UBXN10: variants seen among roughly 807,000 people sequenced by gnomAD.
UBXN10 encodes the protein UBX domain-containing protein 10.
A neutral mutation model predicts 6.9 loss-of-function variants in UBXN10; 6 were observed. The observed-to-expected ratio is 0.87, with a 90% CI of 0.48 to 1.72. UBXN10 has a LOEUF of 1.72. UBXN10 is among the 40% of genes most tolerant of loss of function. The pLI is 0.01. For synonymous variants in UBXN10, 131 were observed against 135.2 expected (o/e 0.97, Z 0.21); for missense variants, 317 against 348.4 (o/e 0.91, Z 0.72).
At chr1:20,188,814 G>A (rs2018442806) in intron 1 of UBXN10, among the ~76,000 whole-genome samples, 2 of 152,062 alleles carry the variant, frequency 1.3e-5, no homozygotes, top group African/African-American at 2.4e-5. Context: ...GACACACGGG[G>A]AAAAGTTCTA....
At chr1:20,190,285 G>C (rs992271986) in intron 1 of UBXN10, among the ~76,000 whole-genome samples, 1 of 152,046 alleles carries the variant, frequency 6.6e-6, no homozygotes, top group Non-Finnish European at 1.5e-5. Context: ...GTTACTCTTT[G>C]AAAATATCTA....
chr1:20,190,796 A>T lies in UBXN10; in HGVS notation c.235A>T (p.Lys79Ter). The change falls in exon 2 of 2, where the codon AAA (lysine) becomes TAA (stop). Residue 79 changes from lysine to a stop codon, truncating the protein, a stop_gained. Coordinates refer to ENST00000375099, the MANE Select transcript of UBXN10 (RefSeq NM_152376.5). LOFTEE classifies it low-confidence loss of function (END_TRUNC). ...AIPYELPSSQ[K>*]PGACAPKSPN... is the part of the protein sequence containing the mutation. ...TCCCTATGAGTTGCCAAGCAGCCAA[A>T]AACCAGGAGCCTGTGCACCCAAATC... The T allele has an allele frequency of 6.2e-7, 1 of 1,614,024 alleles. No homozygotes were observed. The highest frequency in any genetic ancestry group is 8.5e-7 in the Non-Finnish European group (1 of 1,180,038).
At position 20,192,607 on chromosome 1, in the gene UBXN10, T is replaced by C. The variant is rs1469071612; in HGVS notation, c.*1203T>C. On this transcript the variant is annotated 3_prime_UTR_variant, in exon 2 of 2. Coordinates refer to ENST00000375099, the MANE Select transcript of UBXN10 (RefSeq NM_152376.5). ...AAGTTCAGCCAGACTCCATGACTCA[T>C]CTGATCCCTTTTATGGCCAAATCAT... 6.0e-6 allele frequency: 1 copy of C among 167,134 alleles called. No individual in the cohort carries two copies. The highest frequency in any genetic ancestry group is 1.5e-5 in the Non-Finnish European group (1 of 68,160). The allele number at this position is 167,134 out of a possible 1,614,324, so 10.4% of individuals were successfully genotyped here.
Position 20,194,832 on chromosome 1 carries a change from G to A in UBXN10, c.*3428G>A, listed in dbSNP as rs537716232. On this transcript the variant is annotated 3_prime_UTR_variant, in exon 2 of 2. Transcript: ENST00000375099. ...ATAAAGAAGACAGCTATATTATTTT[G>A]CTTTAGCATTAGTTTAGAAGTCATT... The A allele has an allele frequency of 1.3e-4, 22 of 167,190 alleles. No individual in the cohort carries two copies. The highest frequency in any genetic ancestry group is 4.3e-4 in the African/African-American group (18 of 41,586). The allele number at this position is 167,190 out of a possible 1,614,324, so 10.4% of individuals were successfully genotyped here.
chr1:20,188,895 G>A (rs1475622409), intron 1 of UBXN10, among the ~76,000 whole-genome samples: 2 of 152,090 alleles, frequency 1.3e-5, no homozygotes, highest in Non-Finnish European at 1.5e-5. Flanking sequence ...AGCAAACAAC[G>A]ACGACAACAA....
chr1:20,190,883 T>G lies in UBXN10; in HGVS notation c.322T>G (p.Ser108Ala). ...GCAGCAGCAAGTACCCACTGGGGCT[T>G]CCTCTTCTCTCAATAAGTATCCAGT... ...ELQQQVPTGA[S>A]SSLNKYPVLP... The change falls in exon 2 of 2, where the codon TCC becomes GCC. Residue 108 changes from serine (S) to alanine (A), a missense_variant. Coordinates refer to ENST00000375099, the MANE Select transcript of UBXN10 (RefSeq NM_152376.5). The G allele has an allele frequency of 1.2e-6, 2 of 1,614,106 alleles. No homozygotes were observed. Among genetic ancestry groups the G allele is most frequent in the Non-Finnish European group, 1.7e-6 (2 of 1,180,028 alleles).
Position 20,195,158 on chromosome 1 carries a change from T to TTG in UBXN10, c.*3755_*3756insGT, listed in dbSNP as rs1367326457. 1 of 167,142 alleles carries TTG rather than the reference T, an allele frequency of 6.0e-6. No homozygotes were observed. Among genetic ancestry groups the TTG allele is most frequent in the Non-Finnish European group, 1.5e-5 (1 of 68,128 alleles). 10.4% of individuals were successfully genotyped at this position (167,142 alleles called of 1,614,324 possible). ...GATTAGGGAAGCTTCTCCCAGCCCT[T>TTG]TCTGACGTTCATCTGTGTGCCTTTA... On this transcript the variant is annotated 3_prime_UTR_variant, in exon 2 of 2. Transcript: ENST00000375099.
upstream of UBXN10, among the ~76,000 whole-genome samples, chr1:20,184,827 G>C (rs920014585): frequency 6.6e-6 from 1 of 152,042 alleles, no homozygotes; most frequent in African/African-American, 2.4e-5. Context: ...GGGAGGTTTC[G>C]CAAGCAAAAC....
chr1:20,183,680 C>G (rs776338705), upstream of UBXN10, among the ~76,000 whole-genome samples: 3 of 152,064 alleles, frequency 2.0e-5, no homozygotes, highest in Non-Finnish European at 4.4e-5. Flanking sequence ...AAGGGCTTCA[C>G]GGAAGAGGTG....
intron 1 of UBXN10, among the ~76,000 whole-genome samples, chr1:20,189,156 C>T (rs1422777364): frequency 1.3e-5 from 2 of 152,120 alleles, no homozygotes; most frequent in Admixed American, 6.5e-5. Context: ...TGAACCCACA[C>T]TTTGTGACAC....
At chr1:20,184,180 C>CGCGT (rs2018322575), upstream of UBXN10, 1 of 135,082 alleles carries the variant, frequency 7.4e-6, no homozygotes, top group Non-Finnish European at 1.5e-5. Flanking sequence ...GGCAAAGGCG[C>CGCGT]GCGTGCGTGC....
upstream of UBXN10, among the ~76,000 whole-genome samples, chr1:20,183,878 C>T (rs2018317401): frequency 6.6e-6 from 1 of 152,166 alleles, no homozygotes. Context: ...GAAGGTGAGT[C>T]CACATTTCAG....
intron 1 of UBXN10, among the ~76,000 whole-genome samples, chr1:20,188,607 G>A (rs1309688343): frequency 6.6e-6 from 1 of 152,246 alleles, no homozygotes. Flanking sequence ...CATTCTGCAG[G>A]AAGTGAATCT....
In UBXN10 at chr1:20,187,174, G is replaced by A. The variant is rs952941871; in HGVS notation, c.-16+1021G>A. 2.0e-5 allele frequency among the ~76,000 whole-genome samples: 3 copies of A among 152,106 alleles called. No homozygotes were observed. The highest frequency in any genetic ancestry group is 7.2e-5 in the African/African-American group (3 of 41,412). On this transcript the variant is annotated intron_variant, in intron 1 of 1. Transcript: ENST00000375099. This position sits in a 1 kb window ranked among gnomAD's most constrained non-coding sequence, Gnocchi z 4.6. ...ATTTGGTGGTGAATCTTAAGGAATG[G>A]GCACCTGCCCTTCTGGCAACTTCTT...
chr1:20,190,316 CCT>C (rs918497901), intron 1 of UBXN10, among the ~76,000 whole-genome samples: 25 of 152,140 alleles, frequency 1.6e-4, no homozygotes, highest in African/African-American at 5.5e-4. Context: ...GGTTTTAACC[CCT>C]GTCTTTCCTC....
rs1167552675 is a variant in UBXN10, at chr1:20,187,480, A to G, written c.-16+1327A>G. 6.8e-6 allele frequency among the ~76,000 whole-genome samples: 1 copy of G among 146,702 alleles called. No homozygotes were observed. Among genetic ancestry groups the G allele is most frequent in the African/African-American group, 2.6e-5 (1 of 38,182 alleles). On this transcript the variant is annotated intron_variant, in intron 1 of 1. Transcript: ENST00000375099. The surrounding 1 kb of genome is among the most constrained non-coding windows in gnomAD (Gnocchi z 4.6). ...GAATATAAAGGCACAGTTGGCCCAG[A>G]TCCCCAAACACCTGTTTCCCCCACC...
Position 20,191,554 on chromosome 1 carries a change from A to C in UBXN10, c.*150A>C. On this transcript the variant is annotated 3_prime_UTR_variant, in exon 2 of 2. Transcript: ENST00000375099. This position sits in a 1 kb window ranked among gnomAD's most constrained non-coding sequence, Gnocchi z 4.5. ...CTCGTCTGCACTGCGTGTCCTCTGAAGCAGTGAAGTCTGTGCCTATGCCGA... is the reference window on the plus strand; with the variant it reads ...CTCGTCTGCACTGCGTGTCCTCTGACGCAGTGAAGTCTGTGCCTATGCCGA... The C allele has an allele frequency of 8.0e-7, 1 of 1,246,030 alleles. No homozygotes were observed. Among genetic ancestry groups the C allele is most frequent in the South Asian group, 1.6e-5 (1 of 64,210 alleles). The allele number at this position is 1,246,030 out of a possible 1,614,324, so 77.2% of individuals were successfully genotyped here. A position where few individuals can be genotyped will look rare whatever the true frequency, so the allele number is the denominator to read the frequency against.
intron 1 of UBXN10, 25 bp downstream of exon 1, chr1:20,186,178 G>C (rs1347914097): frequency 6.6e-6 from 1 of 152,524 alleles, no homozygotes; most frequent in Non-Finnish European, 1.5e-5. Flanking sequence ...CCGATCCCGC[G>C]GCCTGCCCTT....
chr1:20,192,511 G>C lies in UBXN10; in HGVS notation c.*1107G>C, dbSNP rs1350460012. On this transcript the variant is annotated 3_prime_UTR_variant, in exon 2 of 2. Coordinates refer to ENST00000375099, the MANE Select transcript of UBXN10 (RefSeq NM_152376.5). ...CTGTCTTAGCCTGAGCTGCTTTGAAGACCATGGGGTCTTGTGTTTCCAACT... is the reference window on the plus strand; with the variant it reads ...CTGTCTTAGCCTGAGCTGCTTTGAACACCATGGGGTCTTGTGTTTCCAACT... The C allele has an allele frequency of 1.2e-5, 2 of 167,072 alleles. No homozygotes were observed. The highest frequency in any genetic ancestry group is 2.9e-5 in the Non-Finnish European group (2 of 68,130). 10.3% of individuals were successfully genotyped at this position (167,072 alleles called of 1,614,324 possible).
Sources: gnomAD v4.1 joint callset for allele counts (sites outside exome capture counted in the v4.1 genomes callset) on GRCh38, gnomAD v4.1.1 for gene constraint, Gnocchi (gnomAD v3.1) non-coding constraint, MANE v1.5 for transcripts, NCBI Gene and HGNC (gene_info 2026-07-23, HGNC 2026-07-21) for gene names.